MTMR12: variants seen among roughly 807,000 people sequenced by gnomAD.
MTMR12 encodes the protein myotubularin-related protein 12.
A neutral mutation model predicts 96.7 loss-of-function variants in MTMR12; 33 were observed. The observed-to-expected ratio is 0.34, with a 90% CI of 0.26 to 0.46. MTMR12 has a LOEUF of 0.46. Among genes scored for constraint, MTMR12 ranks in the 20% least tolerant of loss-of-function variants. The pLI is 1.00. For synonymous variants in MTMR12, 298 were observed against 327.2 expected, an observed-to-expected ratio of 0.91 and a Z score of 0.96; for missense variants, 721 against 896.1, an observed-to-expected ratio of 0.80 and a Z score of 2.49.
chr5:32,254,804 A>ATT, intron 8 of MTMR12, among the ~76,000 whole-genome samples: 1 of 152,306 alleles, frequency 6.6e-6, no homozygotes, highest in Non-Finnish European at 1.5e-5. Flanking sequence ...AGATTGGGCC[A>ATT]TTGCACTCCA....
intron 13 of MTMR12, among the ~76,000 whole-genome samples, chr5:32,237,405 G>T (rs1748281011): frequency 1.3e-5 from 2 of 152,184 alleles, no homozygotes; most frequent in South Asian, 2.1e-4. Context: ...GGAGGTCCAG[G>T]CCTGGAGCGA....
rs1342498304 is a variant in MTMR12, at chr5:32,234,970, T to C, written c.1504A>G (p.Thr502Ala). The change falls in exon 14 of 16, where the codon ACT becomes GCT. Residue 502 changes from threonine to alanine, a missense_variant. Physicochemically the swap from Thr to Ala is moderately conservative, Grantham distance 58. Transcript: ENST00000382142. ...CTAAGAGGGACTCTTACCATGTTAG[T>C]ATCTTTTTGATGAGGTGAATTGAAG... ...FFFNSPHQKD[T>A]NMGREGQDTQ... is the part of the protein sequence containing the mutation. 4 of 1,612,786 alleles carry C rather than the reference T, an allele frequency of 2.5e-6. No homozygotes were observed. The highest frequency in any genetic ancestry group is 2.5e-6 in the Non-Finnish European group (3 of 1,178,984).
At position 32,233,454 on chromosome 5, in the gene MTMR12, TAACACACACACACACACA is replaced by T. The variant is rs1199648637; in HGVS notation, c.1674+301_1674+318del. On this transcript the variant is annotated intron_variant, in intron 15 of 15. Transcript: ENST00000382142. The surrounding 1 kb of genome is among the most constrained non-coding windows in gnomAD (Gnocchi z 5.0). Reference sequence around the variant, plus strand: ...ACAATCAATGTTCCTTTTACTCTACTAACACACACACACACACAAACACACACACACACACACACACAC... The same window carrying T: ...ACAATCAATGTTCCTTTTACTCTACTAACACACACACACACACACACACAC... Among the ~76,000 whole-genome samples the T allele has an allele frequency of 3.0e-3, 432 of 146,426 alleles. 1 individual carries two copies. The highest frequency in any genetic ancestry group is 0.01 in the African/African-American group (402 of 40,110).
At chr5:32,238,043 C>A (rs925315335) in intron 13 of MTMR12, among the ~76,000 whole-genome samples, 1 of 147,120 alleles carries the variant, frequency 6.8e-6, no homozygotes, top group South Asian at 2.2e-4. Context: ...ACTAGGGAGG[C>A]TGAGGCAGGA....
At chr5:32,261,839 G>A (rs917434807) in intron 7 of MTMR12, among the ~76,000 whole-genome samples, 5 of 152,228 alleles carry the variant, frequency 3.3e-5, no homozygotes, top group Admixed American at 6.5e-5. Flanking sequence ...TTGGGAGGCC[G>A]AGGCGGGCAG....
chr5:32,264,143 T>C (rs967248259), intron 6 of MTMR12, among the ~76,000 whole-genome samples: 1 of 152,194 alleles, frequency 6.6e-6, no homozygotes, highest in Non-Finnish European at 1.5e-5. Context: ...TGCCACTACC[T>C]GCTAGGACAA....
intron 7 of MTMR12, among the ~76,000 whole-genome samples, chr5:32,259,562 G>A (rs1300436395): frequency 6.6e-6 from 1 of 152,166 alleles, no homozygotes; most frequent in Non-Finnish European, 1.5e-5. Context: ...ACATAACAAT[G>A]GGCAAAAACA....
chr5:32,255,818 A>T (rs1749113206), intron 7 of MTMR12, 50 bp from the exon 8 acceptor site: 4 of 1,477,842 alleles, frequency 2.7e-6, no homozygotes, highest in Non-Finnish European at 3.7e-6. Context: ...TAATTCACAA[A>T]ATATGAAAGC....
intron 1 of MTMR12, among the ~76,000 whole-genome samples, chr5:32,279,796 G>A (rs1025654364): frequency 6.6e-6 from 1 of 152,210 alleles, no homozygotes; most frequent in African/African-American, 2.4e-5. Context: ...TTCTCATAGG[G>A]AGCGTGCAAC....
At chr5:32,293,371 C>T (rs1241654604) in intron 1 of MTMR12, among the ~76,000 whole-genome samples, 2 of 152,076 alleles carry the variant, frequency 1.3e-5, no homozygotes, top group African/African-American at 2.4e-5. Flanking sequence ...GGTGAAAAGG[C>T]GAGACTGGCC....
At chr5:32,250,905 C>A (rs1748891528) in intron 8 of MTMR12, among the ~76,000 whole-genome samples, 1 of 152,100 alleles carries the variant, frequency 6.6e-6, no homozygotes, top group South Asian at 2.1e-4. Flanking sequence ...AGCAAAAAGT[C>A]TTCTGTTGCT....
intron 1 of MTMR12, among the ~76,000 whole-genome samples, chr5:32,300,563 T>C (rs1397760313): frequency 6.6e-6 from 1 of 152,102 alleles, no homozygotes; most frequent in Admixed American, 6.6e-5. Context: ...GCCTCTCTCA[T>C]GCACCCCAGA....
At chr5:32,311,265 T>C (rs917953314) in intron 1 of MTMR12, among the ~76,000 whole-genome samples, 3 of 152,200 alleles carry the variant, frequency 2.0e-5, no homozygotes, top group Non-Finnish European at 4.4e-5. Context: ...CCACATTGCT[T>C]AAATGTGATA....
intron 1 of MTMR12, among the ~76,000 whole-genome samples, chr5:32,302,161 C>G (rs1254886941): frequency 6.6e-6 from 1 of 152,098 alleles, no homozygotes; most frequent in African/African-American, 2.4e-5. Flanking sequence ...TGTGCACCAG[C>G]CAGGCCTATA....
intron 1 of MTMR12, among the ~76,000 whole-genome samples, chr5:32,290,233 C>T (rs1009172582): frequency 1.5e-4 from 23 of 152,240 alleles, no homozygotes; most frequent in Admixed American, 3.9e-4. Context: ...CATATCAACT[C>T]TCTGGCTTTG....
chr5:32,235,568 G>A (rs1239325681), intron 13 of MTMR12, among the ~76,000 whole-genome samples: 2 of 152,078 alleles, frequency 1.3e-5, no homozygotes, highest in Non-Finnish European at 2.9e-5. Flanking sequence ...CGGGGGGTGG[G>A]AGGGAACTTC....
intron 10 of MTMR12, among the ~76,000 whole-genome samples, chr5:32,244,449 G>A (rs1487351619): frequency 6.6e-6 from 1 of 152,148 alleles, no homozygotes; most frequent in Non-Finnish European, 1.5e-5. Context: ...AAATTAGCTG[G>A]GGGTGGTGGC....
chr5:32,240,195 T>G (rs1322553822), intron 12 of MTMR12, among the ~76,000 whole-genome samples: 1 of 152,040 alleles, frequency 6.6e-6, no homozygotes, highest in Admixed American at 6.5e-5. Context: ...TGTCAGGAGT[T>G]CGAGACCAGT....
intron 8 of MTMR12, among the ~76,000 whole-genome samples, chr5:32,249,103 A>G (rs913141301): frequency 1.3e-5 from 2 of 152,238 alleles, no homozygotes; most frequent in Admixed American, 1.3e-4. Flanking sequence ...CTTATGGTCT[A>G]ACATATACCT....
Sources: gnomAD v4.1 joint callset for allele counts (sites outside exome capture counted in the v4.1 genomes callset) on GRCh38, gnomAD v4.1.1 for gene constraint, Gnocchi (gnomAD v3.1) non-coding constraint, MANE v1.5 for transcripts, NCBI Gene and HGNC (gene_info 2026-07-23, HGNC 2026-07-21) for gene names.